The following MTFR1 variants were observed in gnomAD, a reference collection of about 807,000 sequenced individuals.
The protein encoded by MTFR1 is mitochondrial fission regulator 1.
Under a neutral mutation model 38.8 loss-of-function variants are expected in MTFR1, and 28 were observed. That is an observed-to-expected ratio of 0.72 (90% CI 0.53 to 0.99). The LOEUF (loss-of-function observed/expected upper bound fraction) is 0.99, where lower values mean the gene tolerates loss of function less well. Ranked by LOEUF, MTFR1 falls within the 50% of genes least tolerant of loss-of-function variation. The probability of loss-of-function intolerance (pLI) is 0.00; values close to 1 mark genes in which losing one functional copy is unlikely to be tolerated. For synonymous variants in MTFR1, 145 were observed against 137.0 expected (o/e 1.06, Z -0.41); for missense variants, 358 against 395.5 (o/e 0.91, Z 0.81).
intron 1 of MTFR1, among the ~76,000 whole-genome samples, chr8:65,658,996 G>A (rs557211711): frequency 4.6e-5 from 7 of 152,266 alleles, no homozygotes; most frequent in African/African-American, 1.7e-4. Context: ...TTTCATCACG[G>A]GGAGGGAAGT....
At chr8:65,766,715 A>G (rs1468502561) in intron 3 of MTFR1, among the ~76,000 whole-genome samples, 1 of 152,120 alleles carries the variant, frequency 6.6e-6, no homozygotes, top group East Asian at 1.9e-4. Context: ...CCCATTGCTC[A>G]TTGTTATTAA....
downstream of MTFR1, among the ~76,000 whole-genome samples, chr8:65,772,350 AG>A: frequency 6.6e-6 from 1 of 152,344 alleles, no homozygotes. Flanking sequence ...ATTCTATACA[AG>A]GTAGAGGGCA....
At chr8:65,674,481 G>T (rs1350742293) in intron 2 of MTFR1, among the ~76,000 whole-genome samples, 1 of 151,708 alleles carries the variant, frequency 6.6e-6, no homozygotes, top group Non-Finnish European at 1.5e-5. Context: ...GCATGGTGGT[G>T]TATGCCTGTA....
intron 2 of MTFR1, among the ~76,000 whole-genome samples, chr8:65,680,899 CTTTTTTTTTTTTTTT>C (rs1199113408): frequency 2.1e-5 from 2 of 93,632 alleles, no homozygotes; most frequent in African/African-American, 8.6e-5. Flanking sequence ...AAGCAGTTCT[CTTTTTTTTTTTTTTT>C]TTTTTTTTTG....
At chr8:65,752,105 T>C (rs1006321425) in intron 3 of MTFR1, among the ~76,000 whole-genome samples, 1 of 152,386 alleles carries the variant, frequency 6.6e-6, no homozygotes, top group South Asian at 2.1e-4. Flanking sequence ...CAGCTTGAGA[T>C]ATCATCCTCT....
chr8:65,715,400 CAG>C (rs1278631350), downstream of MTFR1, among the ~76,000 whole-genome samples: 2 of 147,036 alleles, frequency 1.4e-5, no homozygotes, highest in African/African-American at 5.0e-5. Context: ...TTTTTTGAGA[CAG>C]AGTCTTGCTC....
intron 3 of MTFR1, chr8:65,724,651 A>C: frequency 1.2e-6 from 1 of 816,776 alleles, no homozygotes; most frequent in Non-Finnish European, 1.9e-6. Context: ...GCGCTAATTG[A>C]AGGAAATTCT....
chr8:65,670,816 T>C (rs1237572867), intron 2 of MTFR1, among the ~76,000 whole-genome samples: 1 of 151,880 alleles, frequency 6.6e-6, no homozygotes, highest in Non-Finnish European at 1.5e-5. Flanking sequence ...ACAATTCTCC[T>C]GCCTCAGCTC....
chr8:65,710,729 G>T (rs1172978200), downstream of MTFR1, among the ~76,000 whole-genome samples: 2 of 152,130 alleles, frequency 1.3e-5, no homozygotes, highest in East Asian at 3.9e-4. Context: ...AGAGATCTCA[G>T]CATTAAAACA....
intron 3 of MTFR1, among the ~76,000 whole-genome samples, chr8:65,721,394 C>T (rs1388256075): frequency 6.6e-6 from 1 of 152,160 alleles, no homozygotes; most frequent in Non-Finnish European, 1.5e-5. Flanking sequence ...TGTTAAGAGG[C>T]TGGGATTTGA....
chr8:65,710,865 C>A (rs1805923451), downstream of MTFR1, among the ~76,000 whole-genome samples: 1 of 152,078 alleles, frequency 6.6e-6, no homozygotes, highest in African/African-American at 2.4e-5. Context: ...TTCTTTCACC[C>A]AACACAACAC....
chr8:65,749,092 C>T (rs1585866448), intron 3 of MTFR1, among the ~76,000 whole-genome samples: 1 of 152,274 alleles, frequency 6.6e-6, no homozygotes, highest in South Asian at 2.1e-4. Context: ...GTACACTGCC[C>T]CTATCTTGAA....
chr8:65,715,379 GTT>G (rs869132666), downstream of MTFR1, among the ~76,000 whole-genome samples: 14 of 133,332 alleles, frequency 1.1e-4, no homozygotes, highest in East Asian at 2.3e-4. Context: ...CTATAAAAAA[GTT>G]TTTTTTTTTT....
chr8:65,765,266 G>C (rs888050510), intron 3 of MTFR1, among the ~76,000 whole-genome samples: 29 of 151,820 alleles, frequency 1.9e-4, no homozygotes, highest in African/African-American at 6.3e-4. Flanking sequence ...GAGGCGGGCG[G>C]ATCACGAGGT....
chr8:65,698,660 T>C (rs1805518093), intron 4 of MTFR1, among the ~76,000 whole-genome samples: 1 of 152,142 alleles, frequency 6.6e-6, no homozygotes, highest in South Asian at 2.1e-4. Context: ...GTAATAAGCA[T>C]AGGACTCAAT....
chr8:65,741,735 G>A (rs1432167615), intron 3 of MTFR1, among the ~76,000 whole-genome samples: 3 of 152,162 alleles, frequency 2.0e-5, no homozygotes, highest in African/African-American at 2.4e-5. Flanking sequence ...AACCATCTTC[G>A]AGTATATAAA....
chr8:65,746,197 G>A (rs117547270), intron 3 of MTFR1, among the ~76,000 whole-genome samples: 10 of 151,038 alleles, frequency 6.6e-5, no homozygotes, highest in South Asian at 2.1e-4. Flanking sequence ...GCCTCCGAAC[G>A]TGCTAGGATT....
intron 3 of MTFR1, chr8:65,723,682 T>A (rs1350122443): frequency 5.8e-6 from 7 of 1,215,178 alleles, no homozygotes; most frequent in Non-Finnish European, 7.8e-6. Context: ...AATATATAAT[T>A]AAAGGCTTGA....
At chr8:65,662,590 G>T (rs1274095705) in intron 1 of MTFR1, among the ~76,000 whole-genome samples, 8 of 137,878 alleles carry the variant, frequency 5.8e-5, no homozygotes, top group Admixed American at 2.2e-4. Flanking sequence ...CTCTCTGCCT[G>T]GCTGCCCAGT....
Sources: gnomAD v4.1 joint callset for allele counts (sites outside exome capture counted in the v4.1 genomes callset) on GRCh38, gnomAD v4.1.1 for gene constraint, MANE v1.5 for transcripts, NCBI Gene and HGNC (gene_info 2026-07-23, HGNC 2026-07-21) for gene names.